Variants in DEK observed in about 807,000 individuals in gnomAD.
The protein encoded by DEK is protein DEK.
In DEK, 28 loss-of-function variants were observed where a neutral mutation model predicts 46.8. The ratio of observed to expected loss-of-function variants is 0.60; its 90% CI spans 0.44 to 0.82. The LOEUF (loss-of-function observed/expected upper bound fraction) is 0.82. DEK is among the 40% of genes least tolerant of loss of function. The pLI is 0.00. For synonymous variants in DEK, 160 were observed against 144.5 expected (o/e 1.11, Z -0.77); for missense variants, 416 against 430.6 (o/e 0.97, Z 0.30).
At chr6:18,225,971 T>C in intron 10 of DEK, 1 of 699,120 alleles carries the variant, frequency 1.4e-6, no homozygotes, top group Middle Eastern at 3.0e-4. Flanking sequence ...TAATCTGAGT[T>C]CAGGTCTTAT....
chr6:18,253,627 G>T (rs971431224), intron 6 of DEK, among the ~76,000 whole-genome samples: 3 of 152,186 alleles, frequency 2.0e-5, no homozygotes, highest in Admixed American at 6.5e-5. Flanking sequence ...CTTATGTAGA[G>T]TTTTGGTATT....
chr6:18,249,069 GTTCTC>G (rs746379005), intron 7 of DEK, among the ~76,000 whole-genome samples: 8 of 152,082 alleles, frequency 5.3e-5, no homozygotes, highest in Non-Finnish European at 1.2e-4. Flanking sequence ...TGCTTCAGCA[GTTCTC>G]TTCTTCATGA....
chr6:18,244,448 G>T, intron 7 of DEK: 1 of 848,930 alleles, frequency 1.2e-6, no homozygotes, highest in Non-Finnish European at 1.7e-6. Flanking sequence ...CAGAATCAGA[G>T]GAATGACATA....
intron 7 of DEK, chr6:18,244,637 T>C: frequency 9.0e-7 from 1 of 1,106,068 alleles, no homozygotes; most frequent in Non-Finnish European, 1.2e-6. Context: ...AAAAATTAGC[T>C]TAAAATACAC....
intron 7 of DEK, among the ~76,000 whole-genome samples, chr6:18,240,575 CTAT>C (rs377076403): frequency 4.3e-4 from 65 of 152,264 alleles, no homozygotes; most frequent in African/African-American, 1.6e-3. Context: ...TAAATATTAA[CTAT>C]TATTACTGAG....
At chr6:18,227,377 G>A (rs986907324) in intron 9 of DEK, among the ~76,000 whole-genome samples, 1 of 152,202 alleles carries the variant, frequency 6.6e-6, no homozygotes, top group Non-Finnish European at 1.5e-5. Context: ...AGATGTTTAT[G>A]TGTATGCATA....
chr6:18,234,279 G>GAT (rs34234830), intron 9 of DEK, among the ~76,000 whole-genome samples: 3,739 of 144,672 alleles, frequency 0.026, 35 homozygotes, highest in East Asian at 0.041. Context: ...ATGGCACATG[G>GAT]ATATATATAT....
chr6:18,231,864 T>C (rs1790427803), intron 9 of DEK, among the ~76,000 whole-genome samples: 1 of 152,240 alleles, frequency 6.6e-6, no homozygotes, highest in Admixed American at 6.5e-5. Context: ...ACTCATTTTA[T>C]GAGGCCACCA....
chr6:18,233,846 G>A (rs1790523204), intron 9 of DEK, among the ~76,000 whole-genome samples: 1 of 152,092 alleles, frequency 6.6e-6, no homozygotes, highest in African/African-American at 2.4e-5. Context: ...CCATTACTGG[G>A]GATATACCCA....
At chr6:18,254,347 C>T (rs1228893003) in intron 6 of DEK, among the ~76,000 whole-genome samples, 1 of 152,000 alleles carries the variant, frequency 6.6e-6, no homozygotes, top group African/African-American at 2.4e-5. Context: ...ACAGTAACAA[C>T]AACAGTAACA....
At chr6:18,254,441 C>G (rs1427207841) in intron 6 of DEK, among the ~76,000 whole-genome samples, 1 of 151,982 alleles carries the variant, frequency 6.6e-6, no homozygotes, top group Admixed American at 6.6e-5. Context: ...AACAGATGTA[C>G]AAAAACATAA....
rs761731016 is a variant in DEK at position 18,226,183 on chromosome 6, AGTT to A, written c.1104_1106del (p.Thr369del). ...AGACTGAAATATTTACCTCTTTTAC[AGTT>A]GTTTTTATGAAATCTTTTCTTTCAG... On this transcript the variant is annotated inframe_deletion, in exon 10 of 11. Transcript: ENST00000652689. The A allele has an allele frequency of 2.3e-6, 3 of 1,326,732 alleles. No individual in the cohort carries two copies. Among genetic ancestry groups the A allele is most frequent in the South Asian group, 1.5e-5 (1 of 66,508 alleles). 82.2% of individuals were successfully genotyped at this position (1,326,732 alleles called of 1,614,324 possible). A position where few individuals can be genotyped will look rare whatever the true frequency, so the allele number is the denominator to read the frequency against.
At chr6:18,239,771 T>C (rs9367983) in intron 7 of DEK, among the ~76,000 whole-genome samples, 31,467 of 152,086 alleles carry the variant, frequency 0.21, 3,947 homozygotes, top group East Asian at 0.44. Flanking sequence ...CGTTTTTTTA[T>C]GACGAACTTA....
At chr6:18,258,132 A>G (rs1791682742) in intron 3 of DEK, 70 bp from the exon 4 acceptor site, 5 of 1,220,148 alleles carry the variant, frequency 4.1e-6, no homozygotes, top group African/African-American at 3.1e-5. Flanking sequence ...TAATTTAATG[A>G]GAATTATTTT....
rs569975518 is a variant in DEK at position 18,249,957 on chromosome 6, C to G, written c.574-118G>C. The G allele has an allele frequency of 2.3e-5, 32 of 1,398,886 alleles. No individual in the cohort carries two copies. The East Asian group carries it at 6.7e-4, about 29-fold the overall frequency. The allele number at this position is 1,398,886 out of a possible 1,614,324, so 86.7% of individuals were successfully genotyped here. ...CTCTCAAGAAATTGTATTTACAAGC[C>G]CAGCAGCTTTGCAGAGAATAATCTT... On this transcript the variant is annotated intron_variant, in intron 6 of 10. Transcript: ENST00000652689.
intron 2 of DEK, among the ~76,000 whole-genome samples, 163 bp downstream of exon 2, chr6:18,263,680 C>G (rs917419396): frequency 1.3e-5 from 2 of 152,232 alleles, no homozygotes; most frequent in Non-Finnish European, 2.9e-5. Flanking sequence ...TCTACGCCAT[C>G]GCTCAAAACA....
At chr6:18,250,708 C>A (rs1286916961) in intron 6 of DEK, among the ~76,000 whole-genome samples, 1 of 147,650 alleles carries the variant, frequency 6.8e-6, no homozygotes, top group Non-Finnish European at 1.5e-5. Flanking sequence ...GTTGGCCAGG[C>A]TGGTCTCAAA....
At position 18,225,391 on chromosome 6, in the gene DEK, A is replaced by C; in HGVS notation, c.*328T>G. 3.4e-6 allele frequency: 1 copy of C among 293,480 alleles called. No individual in the cohort carries two copies. The highest frequency in any genetic ancestry group is 5.1e-5 in the Admixed American group (1 of 19,748). The allele number at this position is 293,480 out of a possible 1,614,324, so 18.2% of individuals were successfully genotyped here. On this transcript the variant is annotated 3_prime_UTR_variant, in exon 11 of 11. Transcript: ENST00000652689. ...TCTACTTGATTAAAAGTATGCCTTA[A>C]GCAAGCTAATATTAAGTGCACTAAA...
chr6:18,237,265 TC>T, intron 8 of DEK, 115 bp downstream of exon 8: 2 of 1,248,894 alleles, frequency 1.6e-6, no homozygotes, highest in Non-Finnish European at 2.1e-6. Context: ...GTATTACTTC[TC>T]CCCGCAATGT....
Sources: allele counts gnomAD v4.1 joint callset (sites outside exome capture counted in the v4.1 genomes callset), GRCh38; gene constraint gnomAD v4.1.1; transcripts MANE v1.5; gene names NCBI Gene and HGNC (gene_info 2026-07-23, HGNC 2026-07-21).